The following SHANK2 variants were observed in gnomAD, a reference collection of about 807,000 sequenced individuals.
SHANK2 encodes the protein SH3 and multiple ankyrin repeat domains 2.
SHANK2 carries 43 observed loss-of-function variants against 133.7 expected under a neutral mutation model. The ratio of observed to expected loss-of-function variants is 0.32; its 90% confidence interval spans 0.25 to 0.41. SHANK2 has a LOEUF of 0.41. Among genes scored for constraint, SHANK2 ranks in the 10% least tolerant of loss-of-function variants. SHANK2 has a pLI of 1.00. For missense variants in SHANK2, 1,994 were observed against 2,235.8 expected, an observed-to-expected ratio of 0.89 and a Z score of 2.18; for synonymous variants, 1,017 against 952.8, an observed-to-expected ratio of 1.07 and a Z score of -1.24.
intron 14 of SHANK2, among the ~76,000 whole-genome samples, 180 bp from the exon 15 acceptor site, chr11:70,698,943 G>A (rs974328577): frequency 1.3e-5 from 2 of 152,164 alleles, no homozygotes; most frequent in African/African-American, 2.4e-5. Context: ...TGTGAAATTT[G>A]GGGAATGCAT....
At chr11:71,109,012 C>G (rs781881996) in intron 6 of SHANK2, among the ~76,000 whole-genome samples, 5 of 152,158 alleles carry the variant, frequency 3.3e-5, no homozygotes, top group Non-Finnish European at 7.3e-5. Context: ...TTGACAAACA[C>G]ATTTGTTGTG....
intron 17 of SHANK2, among the ~76,000 whole-genome samples, chr11:70,629,236 C>A (rs2060945598): frequency 6.6e-6 from 1 of 152,182 alleles, no homozygotes; most frequent in African/African-American, 2.4e-5. Flanking sequence ...CTGAGCCACA[C>A]CCTGTCCCCT....
chr11:71,145,177 A>C (rs1952620556), intron 3 of SHANK2, among the ~76,000 whole-genome samples: 1 of 152,350 alleles, frequency 6.6e-6, no homozygotes, highest in Middle Eastern at 3.4e-3. Context: ...CTAGGGCATC[A>C]GGCCACCCTG....
intron 17 of SHANK2, among the ~76,000 whole-genome samples, chr11:70,627,038 T>C (rs1288927495): frequency 2.0e-5 from 3 of 151,992 alleles, no homozygotes. Flanking sequence ...GATGGGAGCC[T>C]GGAGGTGGGG....
At chr11:70,510,346 C>T (rs782144636) in intron 17 of SHANK2, among the ~76,000 whole-genome samples, 1 of 152,158 alleles carries the variant, frequency 6.6e-6, no homozygotes, top group South Asian at 2.1e-4. Context: ...AAATGACTGC[C>T]GCAGCCCTGG....
chr11:70,576,459 C>A (rs573156835), intron 17 of SHANK2, among the ~76,000 whole-genome samples: 1 of 151,916 alleles, frequency 6.6e-6, no homozygotes, highest in Non-Finnish European at 1.5e-5. Context: ...ATGGTGAAAC[C>A]CTGTCTCTAC....
intron 12 of SHANK2, among the ~76,000 whole-genome samples, chr11:70,808,654 G>C (rs143053865): frequency 6.6e-6 from 1 of 151,196 alleles, no homozygotes; most frequent in Non-Finnish European, 1.5e-5. Flanking sequence ...AGGATTGCTT[G>C]TGGCCAGGAG....
At chr11:70,829,254 A>G (rs1948691413) in intron 11 of SHANK2, among the ~76,000 whole-genome samples, 1 of 152,160 alleles carries the variant, frequency 6.6e-6, no homozygotes, top group East Asian at 1.9e-4. Context: ...TCTAAACCAG[A>G]GAAAAACCCA....
At chr11:70,523,543 C>A (rs944285415) in intron 17 of SHANK2, among the ~76,000 whole-genome samples, 1 of 152,156 alleles carries the variant, frequency 6.6e-6, no homozygotes, top group Non-Finnish European at 1.5e-5. Context: ...TGGGGAGGAT[C>A]CCCGGTGCTG....
rs556658462 is a variant in SHANK2 at position 70,494,519 on chromosome 11, C to T, written c.2309-2054G>A. On this transcript the variant is annotated intron_variant, in intron 21 of 25. Coordinates refer to ENST00000601538, the MANE Select transcript of SHANK2 (RefSeq NM_012309.5). ...ATGTTGGCCAGGCTGGTCTCAGACTCCTGACCTCAAGTGATGTGCCCGCCT... is the reference window on the plus strand; with the variant it reads ...ATGTTGGCCAGGCTGGTCTCAGACTTCTGACCTCAAGTGATGTGCCCGCCT... Among the ~76,000 whole-genome samples the T allele has an allele frequency of 7.2e-5, 11 of 152,282 alleles. No individual in the cohort carries two copies. In the East Asian group the frequency reaches 1.9e-3, roughly 27 times the overall value.
chr11:70,769,108 CCTA>C (rs1947189205), intron 14 of SHANK2, among the ~76,000 whole-genome samples: 1 of 152,138 alleles, frequency 6.6e-6, no homozygotes, highest in Non-Finnish European at 1.5e-5. Context: ...GGCCTGGCAT[CCTA>C]CTTGTTCTAG....
In SHANK2 at chr11:70,894,793, C is replaced by T. The variant is rs552790058; in HGVS notation, c.1174+1708G>A. On this transcript the variant is annotated intron_variant, in intron 11 of 25. Coordinates refer to ENST00000601538, the MANE Select transcript of SHANK2 (RefSeq NM_012309.5). ...CAGCAACAACCCCTGTCGTCATGGG[C>T]GGGACCTGTGCTCAGACTCCCTTAC... Among the ~76,000 whole-genome samples the T allele has an allele frequency of 7.2e-5, 11 of 152,252 alleles. No homozygotes were observed. The South Asian group carries it at 2.1e-3, about 29-fold the overall frequency.
chr11:70,683,221 T>C (rs1337234701), intron 15 of SHANK2, among the ~76,000 whole-genome samples: 1 of 152,070 alleles, frequency 6.6e-6, no homozygotes, highest in African/African-American at 2.4e-5. Flanking sequence ...CAAGCAATCC[T>C]CCCACCTTGG....
intron 2 of SHANK2, among the ~76,000 whole-genome samples, chr11:71,207,505 C>T (rs1266624739): frequency 1.3e-5 from 2 of 152,168 alleles, no homozygotes; most frequent in Non-Finnish European, 2.9e-5. Flanking sequence ...TTCTAACAGT[C>T]TCAGATAGGC....
chr11:70,826,427 T>G (rs1948641313), intron 11 of SHANK2: 1 of 470,654 alleles, frequency 2.1e-6, no homozygotes, highest in African/African-American at 2.0e-5. Context: ...AAGCAGCTGC[T>G]AATTCCCATG....
intron 14 of SHANK2, among the ~76,000 whole-genome samples, chr11:70,795,283 A>C (rs1947882164): frequency 6.6e-6 from 1 of 152,206 alleles, no homozygotes; most frequent in South Asian, 2.1e-4. Flanking sequence ...CCCTTAAGGC[A>C]AAAGGGAATT....
intron 17 of SHANK2, among the ~76,000 whole-genome samples, chr11:70,642,846 A>T (rs2061202609): frequency 6.6e-6 from 1 of 152,212 alleles, no homozygotes; most frequent in Non-Finnish European, 1.5e-5. Context: ...TTAGATAAAG[A>T]ATACAAGTTT....
chr11:71,089,681 G>A (rs1951472534), intron 8 of SHANK2, among the ~76,000 whole-genome samples: 1 of 152,172 alleles, frequency 6.6e-6, no homozygotes, highest in Non-Finnish European at 1.5e-5. Flanking sequence ...AGTGGGTCAG[G>A]CGTGAAGAGG....
At chr11:70,819,319 C>T (rs192912863) in intron 12 of SHANK2, among the ~76,000 whole-genome samples, 1 of 152,370 alleles carries the variant, frequency 6.6e-6, no homozygotes, top group Non-Finnish European at 1.5e-5. Context: ...AAGAAGCCAG[C>T]ACAGTGAACT....
Sources: allele counts gnomAD v4.1 joint callset (sites outside exome capture counted in the v4.1 genomes callset), GRCh38; gene constraint gnomAD v4.1.1; transcripts MANE v1.5; gene names NCBI Gene and HGNC (gene_info 2026-07-23, HGNC 2026-07-21).